The following FGF1 variants were observed in gnomAD, a reference collection of about 807,000 sequenced individuals.
The protein encoded by FGF1 is beta-endothelial cell growth factor.
FGF1 carries 9 observed loss-of-function variants against 13.4 expected under a neutral mutation model. The ratio of observed to expected loss-of-function variants is 0.67; its 90% CI spans 0.40 to 1.17. FGF1 has a LOEUF of 1.17. Ranked by LOEUF, FGF1 falls within the 50% of genes most tolerant of loss-of-function variation. The probability of loss-of-function intolerance (pLI) is 0.01; values close to 1 mark genes in which losing one functional copy is unlikely to be tolerated. For synonymous variants in FGF1, 93 were observed against 79.0 expected (o/e 1.18, Z -0.94); for missense variants, 156 against 192.7 (o/e 0.81, Z 1.13).
At chr5:142,668,785 G>A (rs533901784) in intron 1 of FGF1, among the ~76,000 whole-genome samples, 4 of 152,314 alleles carry the variant, frequency 2.6e-5, no homozygotes, top group Admixed American at 6.5e-5. Flanking sequence ...GATTATTCAG[G>A]ATGAATGAGA....
chr5:142,639,258 T>C (rs1764772461), intron 1 of FGF1, among the ~76,000 whole-genome samples: 1 of 151,972 alleles, frequency 6.6e-6, no homozygotes, highest in South Asian at 2.1e-4. Flanking sequence ...AGCCAAGATA[T>C]GGAATCAACC....
intron 1 of FGF1, among the ~76,000 whole-genome samples, chr5:142,618,314 A>G (rs1013304194): frequency 6.6e-6 from 1 of 152,194 alleles, no homozygotes; most frequent in Non-Finnish European, 1.5e-5. Flanking sequence ...ACTCTGACAC[A>G]TGAACAGGAT....
At chr5:142,657,309 A>C (rs967526220) in intron 1 of FGF1, among the ~76,000 whole-genome samples, 1 of 152,070 alleles carries the variant, frequency 6.6e-6, no homozygotes, top group African/African-American at 2.4e-5. Context: ...TCAGCCCCCA[A>C]ACTTGCTAAG....
intron 1 of FGF1, among the ~76,000 whole-genome samples, chr5:142,678,448 C>T (rs1400911162): frequency 6.6e-6 from 1 of 152,154 alleles, no homozygotes; most frequent in Non-Finnish European, 1.5e-5. Flanking sequence ...GCTGCAAACA[C>T]CAACCTGGGA....
intron 1 of FGF1, among the ~76,000 whole-genome samples, chr5:142,665,949 C>T (rs1770226700): frequency 6.6e-6 from 1 of 152,168 alleles, no homozygotes; most frequent in Non-Finnish European, 1.5e-5. Context: ...GGTTGGCTCT[C>T]TGGCAAACCC....
intron 2 of FGF1, among the ~76,000 whole-genome samples, chr5:142,603,962 A>G (rs926924023): frequency 2.0e-5 from 3 of 152,246 alleles, no homozygotes; most frequent in African/African-American, 7.2e-5. Context: ...GAGGCATGCC[A>G]CAACACAGAT....
At chr5:142,615,111 TG>T (rs1759943463) in intron 1 of FGF1, among the ~76,000 whole-genome samples, 1 of 152,146 alleles carries the variant, frequency 6.6e-6, no homozygotes, top group Non-Finnish European at 1.5e-5. Flanking sequence ...GCATTAGAAT[TG>T]GTTAAAACAT....
intron 1 of FGF1, among the ~76,000 whole-genome samples, chr5:142,665,645 A>C (rs1269572926): frequency 6.6e-6 from 1 of 151,846 alleles, no homozygotes; most frequent in Non-Finnish European, 1.5e-5. Context: ...TCTCATCTCT[A>C]CCCATTGAGT....
upstream of FGF1, among the ~76,000 whole-genome samples, chr5:142,689,546 A>C (rs1169506151): frequency 6.6e-6 from 1 of 152,106 alleles, no homozygotes; most frequent in East Asian, 1.9e-4. Context: ...AAATCCAATC[A>C]TATGCGCTTG....
At chr5:142,614,233 G>A in intron 1 of FGF1, 72 bp from the exon 2 acceptor site, 2 of 1,251,480 alleles carry the variant, frequency 1.6e-6, no homozygotes, top group Non-Finnish European at 1.1e-6. Context: ...AAGAGAGGAA[G>A]GACAGCTCCA....
At chr5:142,601,493 G>A (rs9986300) in intron 2 of FGF1, among the ~76,000 whole-genome samples, 10,500 of 152,130 alleles carry the variant, frequency 0.069, 597 homozygotes, top group East Asian at 0.14. Context: ...AGCTTCTGAT[G>A]GGGGGAGAAT....
At chr5:142,680,545 T>A (rs1240132187) in intron 1 of FGF1, among the ~76,000 whole-genome samples, 1 of 148,950 alleles carries the variant, frequency 6.7e-6, no homozygotes, top group Non-Finnish European at 1.5e-5. Flanking sequence ...GGTTTTTCCC[T>A]TGCTCATAAA....
intron 1 of FGF1, among the ~76,000 whole-genome samples, chr5:142,619,387 A>G (rs528040073): frequency 2.0e-4 from 30 of 152,180 alleles, no homozygotes; most frequent in Non-Finnish European, 3.1e-4. Context: ...CCCAGCATAT[A>G]CAAAACAGGC....
chr5:142,614,776 GAGTGGGAGTA>G (rs1014767363), intron 1 of FGF1, among the ~76,000 whole-genome samples: 2 of 152,300 alleles, frequency 1.3e-5, no homozygotes, highest in African/African-American at 4.8e-5. Flanking sequence ...AAAAGGCACA[GAGTGGGAGTA>G]AGTGGGGTTT....
intron 1 of FGF1, among the ~76,000 whole-genome samples, chr5:142,656,902 G>T (rs887642157): frequency 6.8e-6 from 1 of 146,254 alleles, no homozygotes; most frequent in African/African-American, 2.7e-5. Context: ...GTTACTGCAG[G>T]TATTTTTTTT....
intron 1 of FGF1, among the ~76,000 whole-genome samples, chr5:142,658,343 A>G (rs17099173): frequency 0.13 from 20,230 of 152,190 alleles, 2,849 homozygotes; most frequent in African/African-American, 0.35. Flanking sequence ...CATTCACAAC[A>G]TGGCCATCCT....
At chr5:142,608,568 A>C (rs1330235761) in intron 2 of FGF1, among the ~76,000 whole-genome samples, 10 of 85,158 alleles carry the variant, frequency 1.2e-4, no homozygotes, top group African/African-American at 2.4e-4. Flanking sequence ...ATATATATAT[A>C]TATATATATA....
At chr5:142,626,024 AC>A (rs1222697454) in intron 1 of FGF1, among the ~76,000 whole-genome samples, 1 of 152,178 alleles carries the variant, frequency 6.6e-6, no homozygotes, top group Non-Finnish European at 1.5e-5. Context: ...CCGACTCTGG[AC>A]CTATCCGTAA....
intron 2 of FGF1, among the ~76,000 whole-genome samples, chr5:142,611,967 G>T (rs1759158421): frequency 1.3e-5 from 2 of 152,198 alleles, no homozygotes; most frequent in Admixed American, 1.3e-4. Context: ...CAGCCACTGT[G>T]CCAAGAACTC....
Sources: gnomAD v4.1 joint callset for allele counts (sites outside exome capture counted in the v4.1 genomes callset) on GRCh38, gnomAD v4.1.1 for gene constraint, MANE v1.5 for transcripts, NCBI Gene and HGNC (gene_info 2026-07-23, HGNC 2026-07-21) for gene names.